The following ERC1 variants were observed in gnomAD, a reference collection of about 807,000 sequenced individuals.
ERC1 encodes RAB6 interacting protein 2.
ERC1 carries 56 observed loss-of-function variants against 132.0 expected under a neutral mutation model. That is an observed-to-expected ratio of 0.42 (90% confidence interval 0.34 to 0.53). The LOEUF is 0.53. ERC1 is among the 20% of genes least tolerant of loss of function. The pLI, the probability that ERC1 is intolerant of heterozygous loss-of-function variation, is 0.03. For missense variants in ERC1, 1,202 were observed against 1,349.9 expected (o/e 0.89, Z 1.72); for synonymous variants, 478 against 476.1 (o/e 1.00, Z -0.05).
intron 2 of ERC1, among the ~76,000 whole-genome samples, chr12:1,082,275 C>A (rs1367646558): frequency 6.6e-6 from 1 of 151,840 alleles, no homozygotes; most frequent in Non-Finnish European, 1.5e-5. Context: ...ATGTGCCCGA[C>A]TCGGCCTCCC....
intron 3 of ERC1, among the ~76,000 whole-genome samples, chr12:1,092,029 C>T (rs1016566067): frequency 1.0e-4 from 15 of 144,104 alleles, no homozygotes; most frequent in Admixed American, 3.6e-4. Flanking sequence ...GACGGAGTCT[C>T]GCTCTGTTGC....
At chr12:1,426,464 T>C (rs1292726309) in intron 17 of ERC1, among the ~76,000 whole-genome samples, 1 of 152,132 alleles carries the variant, frequency 6.6e-6, no homozygotes, top group Non-Finnish European at 1.5e-5. Flanking sequence ...GTGTAGTCGT[T>C]TACTAATATT....
At chr12:1,318,301 T>C (rs952274824) in intron 15 of ERC1, among the ~76,000 whole-genome samples, 1 of 152,228 alleles carries the variant, frequency 6.6e-6, no homozygotes, top group Non-Finnish European at 1.5e-5. Flanking sequence ...ATTAGAACCC[T>C]ATGGGTATAA....
intron 13 of ERC1, among the ~76,000 whole-genome samples, chr12:1,240,416 G>A (rs1410750085): frequency 6.6e-6 from 1 of 152,170 alleles, no homozygotes; most frequent in Non-Finnish European, 1.5e-5. Context: ...TTAACCACTT[G>A]AAACTTTCGT....
chr12:1,126,633 G>A (rs1044538519), intron 7 of ERC1, among the ~76,000 whole-genome samples: 3 of 152,294 alleles, frequency 2.0e-5, no homozygotes, highest in East Asian at 3.9e-4. Context: ...TAACAGATGA[G>A]ATTGGGAGAA....
At chr12:1,016,635 C>CTTTTTTTTTT (rs397967271) in intron 1 of ERC1, among the ~76,000 whole-genome samples, 584 of 127,582 alleles carry the variant, frequency 4.6e-3, no homozygotes, top group Non-Finnish European at 5.6e-3. Context: ...CTTTTCTTTT[C>CTTTTTTTTTT]TTTTTTTTTT....
intron 16 of ERC1, chr12:1,380,865 A>T (rs1427229554): frequency 2.6e-5 from 4 of 152,236 alleles, no homozygotes; most frequent in African/African-American, 9.6e-5. Flanking sequence ...AGAGCTCCTG[A>T]GTTGTTAGTG....
intron 18 of ERC1, among the ~76,000 whole-genome samples, chr12:1,477,523 G>A (rs2093998683): frequency 6.6e-6 from 1 of 152,204 alleles, no homozygotes; most frequent in Admixed American, 6.5e-5. Context: ...GAAACATGTG[G>A]GTGTTGGGGG....
intron 8 of ERC1, among the ~76,000 whole-genome samples, chr12:1,170,408 T>C (rs1351097065): frequency 6.6e-6 from 1 of 152,162 alleles, no homozygotes; most frequent in African/African-American, 2.4e-5. Flanking sequence ...ATCACTAAAA[T>C]GTAGTGAACT....
intron 7 of ERC1, among the ~76,000 whole-genome samples, chr12:1,126,885 GGCTGAGGCAGGAGAATT>G (rs1948220523): frequency 6.6e-6 from 1 of 151,378 alleles, no homozygotes; most frequent in Non-Finnish European, 1.5e-5. Flanking sequence ...CTACTCAGGA[GGCTGAGGCAGGAGAATT>G]GCTTGAACCC....
intron 3 of ERC1, among the ~76,000 whole-genome samples, chr12:1,095,707 C>G (rs1193899311): frequency 1.3e-5 from 2 of 152,088 alleles, no homozygotes; most frequent in South Asian, 2.1e-4. Context: ...CCAGTCTTCT[C>G]TCTCTATTGA....
At chr12:1,031,354 T>C (rs1002414820) in intron 2 of ERC1, among the ~76,000 whole-genome samples, 1 of 152,218 alleles carries the variant, frequency 6.6e-6, no homozygotes, top group Non-Finnish European at 1.5e-5. Context: ...GTTGGTATTA[T>C]GCTGTGACCT....
intron 18 of ERC1, among the ~76,000 whole-genome samples, chr12:1,460,667 T>C (rs959818367): frequency 6.6e-6 from 1 of 151,986 alleles, no homozygotes. Flanking sequence ...AGTTGGGTTA[T>C]AAAAAGGATT....
In ERC1 at chr12:1,495,559, G is replaced by A. The variant is rs1319904888; in HGVS notation, c.*5329G>A. 9 of 228,520 alleles carry A rather than the reference G, an allele frequency of 3.9e-5. No individual in the cohort carries two copies. Among genetic ancestry groups the A allele is most frequent in the East Asian group, 3.1e-4 (5 of 16,034 alleles). 14.2% of individuals were successfully genotyped at this position (228,520 alleles called of 1,614,324 possible). A position where few individuals can be genotyped will look rare whatever the true frequency, so the allele number is the denominator to read the frequency against. On this transcript the variant is annotated 3_prime_UTR_variant, in exon 19 of 19. Coordinates refer to ENST00000360905, the MANE Select transcript of ERC1 (RefSeq NM_178040.4). ...ACCCACTCTGGCCTGCTGGCCCATC[G>A]CAGGACTAGCCCAGGCACCTGCCGG...
chr12:1,058,451 G>A lies in ERC1; in HGVS notation c.670-24713G>A, dbSNP rs576911773. On this transcript the variant is annotated intron_variant, in intron 2 of 18. Coordinates refer to ENST00000360905, the MANE Select transcript of ERC1 (RefSeq NM_178040.4). ...CCCAGTACTATCTATTGAAGAGGGC[G>A]TCCTTTTCCCAAAGTATGGTTTTGG... 1.2e-4 allele frequency among the ~76,000 whole-genome samples: 18 copies of A among 152,226 alleles called. 1 individual carries two copies. In the South Asian group the frequency reaches 2.5e-3, roughly 21 times the overall value.
At chr12:1,029,011 T>C (rs1410441974) in intron 2 of ERC1, among the ~76,000 whole-genome samples, 1 of 152,206 alleles carries the variant, frequency 6.6e-6, no homozygotes, top group East Asian at 1.9e-4. Context: ...ACAAAATGAC[T>C]ATCACAGGAT....
intron 16 of ERC1, among the ~76,000 whole-genome samples, chr12:1,398,834 T>A (rs1220009010): frequency 6.6e-6 from 1 of 151,920 alleles, no homozygotes; most frequent in African/African-American, 2.4e-5. Context: ...GGACGCTTTG[T>A]CCTTGCACAC....
chr12:1,238,120 C>T (rs1017822019), intron 13 of ERC1, among the ~76,000 whole-genome samples: 4 of 150,648 alleles, frequency 2.7e-5, no homozygotes, highest in African/African-American at 9.8e-5. Context: ...TTGCCAATAA[C>T]AGTTAATATT....
chr12:1,145,176 C>T, intron 8 of ERC1, among the ~76,000 whole-genome samples: 1 of 151,984 alleles, frequency 6.6e-6, no homozygotes, highest in East Asian at 1.9e-4. Flanking sequence ...GCCACCACGC[C>T]CCACTAATTT....
Sources: allele counts gnomAD v4.1 joint callset (sites outside exome capture counted in the v4.1 genomes callset), GRCh38; gene constraint gnomAD v4.1.1; transcripts MANE v1.5; gene names NCBI Gene and HGNC (gene_info 2026-07-23, HGNC 2026-07-21).